The following DPYSL3 variants were observed in gnomAD, a reference collection of about 807,000 sequenced individuals.
The protein encoded by DPYSL3 is dihydropyrimidinase-related protein 3.
In DPYSL3, 16 loss-of-function variants were observed where a neutral mutation model predicts 66.1. The observed-to-expected ratio is 0.24, with a 90% CI of 0.16 to 0.37. The LOEUF (loss-of-function observed/expected upper bound fraction) is 0.37. DPYSL3 is among the 10% of genes least tolerant of loss of function. DPYSL3 has a pLI of 1.00. For missense variants in DPYSL3, 738 were observed against 916.2 expected (o/e 0.81, Z 2.51); for synonymous variants, 338 against 345.1 (o/e 0.98, Z 0.23).
chr5:147,396,674 T>C (rs1757983733), intron 12 of DPYSL3, among the ~76,000 whole-genome samples: 1 of 152,010 alleles, frequency 6.6e-6, no homozygotes, highest in African/African-American at 2.4e-5. Flanking sequence ...AACCAAGAAC[T>C]CTACATCATC....
intron 1 of DPYSL3, among the ~76,000 whole-genome samples, chr5:147,435,226 G>A (rs926278015): frequency 6.6e-6 from 1 of 152,186 alleles, no homozygotes; most frequent in Non-Finnish European, 1.5e-5. Context: ...ATTTGTACAC[G>A]TGGGTATGGC....
chr5:147,488,658 A>G (rs902695543), intron 1 of DPYSL3, among the ~76,000 whole-genome samples: 6 of 152,022 alleles, frequency 3.9e-5, no homozygotes, highest in African/African-American at 1.4e-4. Flanking sequence ...TGAGGCTGCA[A>G]TGAGTCATGA....
Position 147,393,809 on chromosome 5 carries a change from G to A in DPYSL3, c.*226C>T, listed in dbSNP as rs991675818. ...TGTCTGATTGCATGCATGTAAATGGGGGGAGGGGAGTCAAACAAATCAAGG... is the reference window on the plus strand; with the variant it reads ...TGTCTGATTGCATGCATGTAAATGGAGGGAGGGGAGTCAAACAAATCAAGG... On this transcript the variant is annotated 3_prime_UTR_variant, in exon 14 of 14. Transcript: ENST00000343218. 2 of 554,412 alleles carry A rather than the reference G, an allele frequency of 3.6e-6. No individual in the cohort carries two copies. Among genetic ancestry groups the A allele is most frequent in the Admixed American group, 6.2e-5 (2 of 32,306 alleles). 34.3% of individuals were successfully genotyped at this position (554,412 alleles called of 1,614,324 possible).
Position 147,480,703 on chromosome 5 carries a change from A to AT in DPYSL3, c.381+28774dup, listed in dbSNP as rs1554116785. Among the ~76,000 whole-genome samples the AT allele has an allele frequency of 4.4e-3, 630 of 142,454 alleles. 5 individuals carry two copies. The highest frequency in any genetic ancestry group is 0.013 in the African/African-American group (517 of 39,006). 93.5% of individuals were successfully genotyped at this position (142,454 alleles called of 152,430 possible). On this transcript the variant is annotated intron_variant, in intron 1 of 13. Coordinates refer to ENST00000343218, the MANE Select transcript of DPYSL3 (RefSeq NM_001197294.2). ...TAGTGCACACATCATGAATATATATATATTATTATTATTATTATTATTATT... is the reference window on the plus strand; with the variant it reads ...TAGTGCACACATCATGAATATATATATTATTATTATTATTATTATTATTATT...
intron 1 of DPYSL3, among the ~76,000 whole-genome samples, chr5:147,471,671 GT>G (rs1753087509): frequency 6.6e-6 from 1 of 152,130 alleles, no homozygotes; most frequent in African/African-American, 2.4e-5. Flanking sequence ...CCATTATGAT[GT>G]TGGCAGAATC....
At position 147,510,050 on chromosome 5, in the gene DPYSL3, C is replaced by T; in HGVS notation, c.-192G>A. The T allele has an allele frequency of 2.1e-6, 2 of 973,918 alleles. No individual in the cohort carries two copies. Among genetic ancestry groups the T allele is most frequent in the Non-Finnish European group, 1.4e-6 (1 of 691,318 alleles). 60.3% of individuals were successfully genotyped at this position (973,918 alleles called of 1,614,324 possible). On this transcript the variant is annotated 5_prime_UTR_variant, in exon 1 of 14. Transcript: ENST00000343218. ...GCGAGCCACACAGCCAGCTAGCGCG[C>T]GGAGCAGGGGCCCAGAGTAGCGCCG...
At chr5:147,505,535 C>G (rs1338417629) in intron 1 of DPYSL3, among the ~76,000 whole-genome samples, 1 of 152,120 alleles carries the variant, frequency 6.6e-6, no homozygotes, top group Admixed American at 6.5e-5. Flanking sequence ...CACTCCCAGC[C>G]TATTATTTTA....
At chr5:147,404,180 C>T (rs1363961481) in intron 8 of DPYSL3, among the ~76,000 whole-genome samples, 1 of 152,150 alleles carries the variant, frequency 6.6e-6, no homozygotes, top group Non-Finnish European at 1.5e-5. Context: ...TCCTGGTTCT[C>T]GCCCAATGAC....
rs1409839247 is a variant in DPYSL3, at chr5:147,424,936, T to C, written c.409A>G (p.Arg137Gly). The C allele has an allele frequency of 6.2e-7, 1 of 1,613,286 alleles. No homozygotes were observed. Among genetic ancestry groups the C allele is most frequent in the African/African-American group, 1.3e-5 (1 of 75,036 alleles). The change falls in exon 2 of 14, where the codon AGA becomes GGA. Residue 137 changes from arginine to glycine, a missense_variant. Arg to Gly is a moderately radical substitution (Grantham distance 125, BLOSUM62 -2). Coordinates refer to ENST00000343218, the MANE Select transcript of DPYSL3 (RefSeq NM_001197294.2). The stretch of plus-strand genomic sequence containing the variant: ...AAGGACTGATCATCATTGACGATTC[T>C]GCCTCCCTTGATAAGGAGACGGTCA... ...KSDRLLIKGG[R>G]IVNDDQSFYA... is the part of the protein sequence containing the mutation.
chr5:147,453,659 A>T, intron 1 of DPYSL3: 1 of 1,482,454 alleles, frequency 6.7e-7, no homozygotes, highest in Non-Finnish European at 9.0e-7. Flanking sequence ...CGCCTTCCTC[A>T]GCGCACAGCG....
chr5:147,458,414 C>G (rs925578370), intron 1 of DPYSL3, among the ~76,000 whole-genome samples: 2 of 152,112 alleles, frequency 1.3e-5, no homozygotes, highest in African/African-American at 4.8e-5. Flanking sequence ...ATGAATAATC[C>G]ACCCCTTGTT....
At chr5:147,402,555 G>A (rs4705170) in intron 8 of DPYSL3, among the ~76,000 whole-genome samples, 3,357 of 139,118 alleles carry the variant, frequency 0.024, 158 homozygotes, top group East Asian at 0.19. Flanking sequence ...CACCGTGTTA[G>A]CCAGGATGGT....
intron 1 of DPYSL3, among the ~76,000 whole-genome samples, chr5:147,458,118 T>C (rs1219975447): frequency 1.3e-5 from 2 of 152,124 alleles, no homozygotes; most frequent in Non-Finnish European, 2.9e-5. Context: ...ATAGGAGCTG[T>C]GTAAAATGAG....
chr5:147,495,259 G>A (rs1753482759), intron 1 of DPYSL3, among the ~76,000 whole-genome samples: 1 of 152,106 alleles, frequency 6.6e-6, no homozygotes, highest in Non-Finnish European at 1.5e-5. Context: ...AAGAAAAGCA[G>A]AGCTATCTAT....
chr5:147,397,557 T>C, intron 12 of DPYSL3, 109 bp downstream of exon 12: 1 of 1,163,040 alleles, frequency 8.6e-7, no homozygotes, highest in South Asian at 1.8e-5. Context: ...TCACTGAATT[T>C]CTCTGTGAGA....
chr5:147,400,652 T>C (rs913732310), intron 10 of DPYSL3, 40 bp downstream of exon 10: 1 of 1,604,946 alleles, frequency 6.2e-7, no homozygotes, highest in Non-Finnish European at 8.5e-7. Flanking sequence ...CCCATGGATG[T>C]TTTGGCTCTG....
chr5:147,454,956 G>A (rs1341339851), intron 1 of DPYSL3, among the ~76,000 whole-genome samples: 1 of 152,062 alleles, frequency 6.6e-6, no homozygotes, highest in Non-Finnish European at 1.5e-5. Flanking sequence ...AAAAAGACTT[G>A]CTATGCAAAA....
At chr5:147,458,919 T>C (rs536916268) in intron 1 of DPYSL3, among the ~76,000 whole-genome samples, 2 of 152,030 alleles carry the variant, frequency 1.3e-5, no homozygotes, top group South Asian at 2.1e-4. Flanking sequence ...AAGATTATTC[T>C]CATAAAGCTC....
chr5:147,482,804 G>T (rs1721424251), intron 1 of DPYSL3, among the ~76,000 whole-genome samples: 1 of 152,170 alleles, frequency 6.6e-6, no homozygotes. Flanking sequence ...AAGGAAAGAG[G>T]CTTAATTGAC....
Sources: allele counts gnomAD v4.1 joint callset (sites outside exome capture counted in the v4.1 genomes callset), GRCh38; gene constraint gnomAD v4.1.1; transcripts MANE v1.5; gene names NCBI Gene and HGNC (gene_info 2026-07-23, HGNC 2026-07-21).